MYO1D: variants seen among roughly 807,000 people sequenced by gnomAD.
The protein encoded by MYO1D is myosin ID, also known as unconventional myosin-Id.
In MYO1D, 83 loss-of-function variants were observed where a neutral mutation model predicts 122.0. The ratio of observed to expected loss-of-function variants is 0.68; its 90% confidence interval spans 0.57 to 0.82. The LOEUF (loss-of-function observed/expected upper bound fraction) is 0.82, where lower values mean the gene tolerates loss of function less well. MYO1D is among the 40% of genes least tolerant of loss of function. The pLI, the probability that MYO1D is intolerant of heterozygous loss-of-function variation, is 0.00. For missense variants in MYO1D, 1,157 were observed against 1,269.5 expected (o/e 0.91, Z 1.35); for synonymous variants, 464 against 446.9 (o/e 1.04, Z -0.48).
chr17:32,698,512 A>G (rs1324803095), intron 16 of MYO1D, among the ~76,000 whole-genome samples: 1 of 152,108 alleles, frequency 6.6e-6, no homozygotes, highest in African/African-American at 2.4e-5. Flanking sequence ...TTTAGAAATC[A>G]TATGAAAGCC....
intron 19 of MYO1D, among the ~76,000 whole-genome samples, chr17:32,640,504 T>G (rs1232738942): frequency 8.5e-6 from 1 of 118,238 alleles, no homozygotes; most frequent in Non-Finnish European, 1.7e-5. Context: ...GTCCCCAGAG[T>G]GTGATGTTCC....
intron 1 of MYO1D, among the ~76,000 whole-genome samples, chr17:32,815,061 G>C (rs982766033): frequency 1.9e-4 from 29 of 152,208 alleles, no homozygotes; most frequent in Non-Finnish European, 3.2e-4. Context: ...AACTGCAAGG[G>C]AGGATGTGCC....
Position 32,846,553 on chromosome 17 carries a change from A to C in MYO1D, c.95+30225T>G, listed in dbSNP as rs555517161. 7.0e-4 allele frequency among the ~76,000 whole-genome samples: 106 copies of C among 152,390 alleles called. 1 individual carries two copies. The highest frequency in any genetic ancestry group is 3.4e-3 in the Middle Eastern group (1 of 294). On this transcript the variant is annotated intron_variant, in intron 1 of 21. Transcript: ENST00000318217. ...AATAGAAATACATTCTTGCAAAAGT[A>C]AATTACAGTAATAATTAAATAAAAA... is the stretch of plus-strand genomic sequence containing the variant.
chr17:32,709,779 G>C (rs1305344307), intron 16 of MYO1D, among the ~76,000 whole-genome samples: 1 of 152,008 alleles, frequency 6.6e-6, no homozygotes, highest in Non-Finnish European at 1.5e-5. Context: ...TATAAATCAA[G>C]AAAGGTTTTG....
intron 7 of MYO1D, among the ~76,000 whole-genome samples, chr17:32,766,003 C>G (rs2090052446): frequency 6.6e-6 from 1 of 152,012 alleles, no homozygotes; most frequent in South Asian, 2.1e-4. Flanking sequence ...CCACCCCCAG[C>G]CCCTCTAAAT....
At chr17:32,741,705 G>A (rs547829170) in intron 13 of MYO1D, among the ~76,000 whole-genome samples, 37 of 152,282 alleles carry the variant, frequency 2.4e-4, no homozygotes, top group African/African-American at 7.9e-4. Context: ...CACAATTACA[G>A]TTGGCTCTCC....
intron 16 of MYO1D, chr17:32,684,291 A>C (rs1418627008): frequency 6.6e-6 from 1 of 152,658 alleles, no homozygotes; most frequent in Non-Finnish European, 1.5e-5. Flanking sequence ...AAAAGCCAAA[A>C]ATGTATTTCC....
At chr17:32,757,294 G>T (rs2089958496) in intron 10 of MYO1D, among the ~76,000 whole-genome samples, 1 of 151,992 alleles carries the variant, frequency 6.6e-6, no homozygotes, top group Admixed American at 6.6e-5. Context: ...TCTCAAATAG[G>T]GGAATAGGGG....
chr17:32,865,736 T>G (rs925856700), intron 1 of MYO1D, among the ~76,000 whole-genome samples: 12 of 152,354 alleles, frequency 7.9e-5, no homozygotes, highest in African/African-American at 2.9e-4. Flanking sequence ...AATCCCATGC[T>G]GGGATAATTG....
chr17:32,848,230 GATT>G (rs1265111466), intron 1 of MYO1D, among the ~76,000 whole-genome samples: 1 of 152,198 alleles, frequency 6.6e-6, no homozygotes, highest in African/African-American at 2.4e-5. Context: ...TTTGGTACAA[GATT>G]ATTATCTACC....
At chr17:32,528,187 T>TA (rs1210163089) in intron 21 of MYO1D, among the ~76,000 whole-genome samples, 1 of 152,192 alleles carries the variant, frequency 6.6e-6, no homozygotes, top group Non-Finnish European at 1.5e-5. Context: ...CTACCCCACT[T>TA]AAGGCTTGCC....
intron 21 of MYO1D, among the ~76,000 whole-genome samples, chr17:32,514,327 A>G (rs1217245887): frequency 3.3e-5 from 5 of 151,334 alleles, no homozygotes; most frequent in African/African-American, 1.2e-4. Context: ...TCCTGGGCTC[A>G]AGCCATCCTT....
At chr17:32,554,678 T>C (rs1416417021) in intron 21 of MYO1D, among the ~76,000 whole-genome samples, 4 of 151,994 alleles carry the variant, frequency 2.6e-5, no homozygotes, top group Admixed American at 1.3e-4. Context: ...GTGTAAATGG[T>C]CTTAATATAT....
chr17:32,876,744 C>G (rs1277429124), intron 1 of MYO1D, 34 bp downstream of exon 1: 2 of 1,472,698 alleles, frequency 1.4e-6, no homozygotes, highest in Non-Finnish European at 1.8e-6. Flanking sequence ...AAAGCGCAGC[C>G]TCGCGCCCCT....
At chr17:32,673,231 G>A (rs1483771656) in intron 16 of MYO1D, among the ~76,000 whole-genome samples, 1 of 147,686 alleles carries the variant, frequency 6.8e-6, no homozygotes, top group African/African-American at 2.5e-5. Context: ...AGCCTCCTGA[G>A]TAATTGGGAT....
intron 16 of MYO1D, among the ~76,000 whole-genome samples, chr17:32,692,295 T>C (rs1468203785): frequency 1.3e-5 from 2 of 152,212 alleles, no homozygotes; most frequent in African/African-American, 2.4e-5. Flanking sequence ...TTGGTAGTAG[T>C]TATATACATT....
chr17:32,807,355 T>C (rs2090524477), intron 1 of MYO1D, among the ~76,000 whole-genome samples: 1 of 152,128 alleles, frequency 6.6e-6, no homozygotes, highest in Non-Finnish European at 1.5e-5. Context: ...TCCTATACCC[T>C]ATGTATATAC....
chr17:32,535,876 C>T (rs1910648575), intron 21 of MYO1D, among the ~76,000 whole-genome samples: 1 of 152,164 alleles, frequency 6.6e-6, no homozygotes, highest in South Asian at 2.1e-4. Context: ...ACTGTAGTAA[C>T]TTGAGGGAGA....
At position 32,636,793 on chromosome 17, in the gene MYO1D, CA is replaced by C. The variant is rs1391725969; in HGVS notation, c.2709+1928del. Among the ~76,000 whole-genome samples, 4 of 152,326 alleles carry C rather than the reference CA, an allele frequency of 2.6e-5. No homozygotes were observed. The East Asian group carries it at 7.7e-4, about 29-fold the overall frequency. On this transcript the variant is annotated intron_variant, in intron 20 of 21. Coordinates refer to ENST00000318217, the MANE Select transcript of MYO1D (RefSeq NM_015194.3). ...ACTTATCACACAATGAGTGCCTAGG[CA>C]CTTCCAGCCCTCTGTGAGTAAGGGC...
Sources: allele counts gnomAD v4.1 joint callset (sites outside exome capture counted in the v4.1 genomes callset), GRCh38; gene constraint gnomAD v4.1.1; transcripts MANE v1.5; gene names NCBI Gene and HGNC (gene_info 2026-07-23, HGNC 2026-07-21).